The following MYRIP variants were observed in gnomAD, a reference collection of about 807,000 sequenced individuals.
The protein encoded by MYRIP is rab effector MyRIP.
MYRIP carries 49 observed loss-of-function variants against 98.0 expected under a neutral mutation model. The ratio of observed to expected loss-of-function variants is 0.50; its 90% CI spans 0.40 to 0.63. The LOEUF (loss-of-function observed/expected upper bound fraction) is 0.63. Ranked by LOEUF, MYRIP falls within the 30% of genes least tolerant of loss-of-function variation. MYRIP has a pLI of 0.00. For missense variants in MYRIP, 1,004 were observed against 1,058.2 expected (o/e 0.95, Z 0.71); for synonymous variants, 404 against 409.5 (o/e 0.99, Z 0.16).
intron 3 of MYRIP, among the ~76,000 whole-genome samples, chr3:40,080,791 CTTTTTTT>C (rs34610302): frequency 1.2e-4 from 11 of 93,854 alleles, no homozygotes; most frequent in African/African-American, 4.4e-4. Flanking sequence ...ATCCTAACTT[CTTTTTTT>C]TTTTTTTTTT....
intron 1 of MYRIP, among the ~76,000 whole-genome samples, chr3:39,831,494 T>C (rs1349754407): frequency 6.6e-6 from 1 of 152,208 alleles, no homozygotes. Flanking sequence ...AATACATTTA[T>C]TTGTGGCTTA....
At position 40,259,979 on chromosome 3, in the gene MYRIP, AAAG is replaced by A. The variant is rs969049612; in HGVS notation, c.*1817_*1819del. On this transcript the variant is annotated 3_prime_UTR_variant, in exon 17 of 17. Transcript: ENST00000302541. The stretch of plus-strand genomic sequence containing the variant: ...AGCCTTGCAAACAAAAAACAACAAA[AAAG>A]AAGCAGCAGCAGCAGCCTGCTGTGT... 2.7e-5 allele frequency: 4 copies of A among 145,836 alleles called. No homozygotes were observed. The highest frequency in any genetic ancestry group is 8.5e-5 in the African/African-American group (3 of 35,340). The allele number at this position is 145,836 out of a possible 1,614,324, so 9.0% of individuals were successfully genotyped here.
In MYRIP at chr3:39,919,727, T is replaced by TGAGA. The variant is rs71091779; in HGVS notation, c.110+18820_110+18823dup. ...GTGTGTGTGTGTGTGTGTGTGTGTG[T>TGAGA]GAGAGAGAGAGAGAGAGAGAGAAAT... On this transcript the variant is annotated intron_variant, in intron 2 of 16. Transcript: ENST00000302541. Among the ~76,000 whole-genome samples the TGAGA allele has an allele frequency of 4.7e-3, 584 of 123,462 alleles. 2 individuals carry two copies. Among genetic ancestry groups the TGAGA allele is most frequent in the Middle Eastern group, 0.032 (8 of 248 alleles). The allele number at this position is 123,462 out of a possible 152,430, so 81.0% of individuals were successfully genotyped here. A position where few individuals can be genotyped will look rare whatever the true frequency, so the allele number is the denominator to read the frequency against.
intron 2 of MYRIP, among the ~76,000 whole-genome samples, chr3:39,934,292 G>A (rs1944608653): frequency 2.0e-5 from 3 of 151,666 alleles, no homozygotes; most frequent in Non-Finnish European, 4.4e-5. Context: ...CTGGAGCTAA[G>A]GAGGGCAGAA....
intron 2 of MYRIP, among the ~76,000 whole-genome samples, chr3:40,042,870 C>G (rs1470883363): frequency 2.6e-5 from 4 of 152,134 alleles, no homozygotes; most frequent in Non-Finnish European, 5.9e-5. Context: ...TTAGCCCAGC[C>G]AACTTAAACA....
At chr3:40,200,292 G>A (rs1418056932) in intron 10 of MYRIP, among the ~76,000 whole-genome samples, 3 of 151,772 alleles carry the variant, frequency 2.0e-5, no homozygotes, top group African/African-American at 2.4e-5. Flanking sequence ...AAAAAATTTT[G>A]TTATGTTTTA....
chr3:40,103,694 G>A (rs1296821666), intron 3 of MYRIP, among the ~76,000 whole-genome samples: 1 of 152,186 alleles, frequency 6.6e-6, no homozygotes, highest in East Asian at 1.9e-4. Context: ...AGGAGGCGGA[G>A]GTTGCAGTGA....
chr3:40,200,209 G>A (rs1307939972), intron 10 of MYRIP, among the ~76,000 whole-genome samples: 1 of 151,278 alleles, frequency 6.6e-6, no homozygotes, highest in Non-Finnish European at 1.5e-5. Context: ...GGCCACAGTG[G>A]AAGAAGAAGA....
intron 3 of MYRIP, among the ~76,000 whole-genome samples, chr3:40,116,621 G>A (rs1459652764): frequency 3.3e-5 from 5 of 152,122 alleles, no homozygotes; most frequent in Non-Finnish European, 7.3e-5. Flanking sequence ...TTGCATCTTT[G>A]TCTCAGGCTG....
intron 1 of MYRIP, among the ~76,000 whole-genome samples, chr3:39,818,396 A>G (rs1248874551): frequency 6.6e-6 from 1 of 152,160 alleles, no homozygotes; most frequent in Admixed American, 6.6e-5. Context: ...ACCTTTCTCA[A>G]CTGGTGAGGC....
chr3:39,909,984 G>A (rs988811781), intron 2 of MYRIP, among the ~76,000 whole-genome samples: 6 of 151,798 alleles, frequency 4.0e-5, no homozygotes, highest in Admixed American at 6.6e-5. Context: ...TCTGCTTCCC[G>A]GGTTCAAGCG....
chr3:39,846,392 C>T (rs1213497076), intron 1 of MYRIP, among the ~76,000 whole-genome samples: 1 of 152,182 alleles, frequency 6.6e-6, no homozygotes, highest in Non-Finnish European at 1.5e-5. Flanking sequence ...GACCCTGTCT[C>T]CCACCTTTCC....
intron 1 of MYRIP, among the ~76,000 whole-genome samples, chr3:39,837,996 C>T (rs1231774264): frequency 6.6e-6 from 1 of 152,166 alleles, no homozygotes; most frequent in Non-Finnish European, 1.5e-5. Flanking sequence ...TGGGAGTTCA[C>T]TCATGATTTG....
intron 2 of MYRIP, among the ~76,000 whole-genome samples, chr3:39,943,329 A>G (rs956220841): frequency 1.3e-5 from 2 of 152,174 alleles, no homozygotes; most frequent in African/African-American, 2.4e-5. Context: ...CCATCCAATG[A>G]GGAAAAACAA....
intron 2 of MYRIP, among the ~76,000 whole-genome samples, chr3:39,956,337 C>T (rs561442954): frequency 6.6e-6 from 1 of 152,268 alleles, no homozygotes; most frequent in South Asian, 2.1e-4. Context: ...TGTCTCAGAC[C>T]ACAGTGCAAT....
chr3:39,897,857 G>C (rs1943652947), intron 1 of MYRIP, among the ~76,000 whole-genome samples: 1 of 138,962 alleles, frequency 7.2e-6, no homozygotes, highest in African/African-American at 2.7e-5. Flanking sequence ...GGTTTGATAT[G>C]ATCAAAGCTG....
intron 2 of MYRIP, among the ~76,000 whole-genome samples, chr3:39,967,428 T>A (rs1945467703): frequency 1.3e-5 from 2 of 152,194 alleles, no homozygotes. Context: ...TATTCATTTT[T>A]AGGGCTGTAT....
chr3:40,010,614 C>T (rs1384043363), intron 2 of MYRIP, among the ~76,000 whole-genome samples: 1 of 152,162 alleles, frequency 6.6e-6, no homozygotes, highest in Non-Finnish European at 1.5e-5. Context: ...TTTAGTCACA[C>T]CTCATGGCCC....
intron 10 of MYRIP, among the ~76,000 whole-genome samples, chr3:40,192,210 C>A (rs1951234229): frequency 6.8e-6 from 1 of 147,292 alleles, no homozygotes; most frequent in Admixed American, 6.8e-5. Flanking sequence ...TTCTACTCAA[C>A]CTCCCAAAGT....
Sources: gnomAD v4.1 joint callset for allele counts (sites outside exome capture counted in the v4.1 genomes callset) on GRCh38, gnomAD v4.1.1 for gene constraint, MANE v1.5 for transcripts, NCBI Gene and HGNC (gene_info 2026-07-23, HGNC 2026-07-21) for gene names.